Variants in STK39 observed in about 807,000 individuals in gnomAD.
STK39 encodes the protein serine/threonine kinase 39.
STK39 carries 20 observed loss-of-function variants against 77.8 expected under a neutral mutation model. The ratio of observed to expected loss-of-function variants is 0.26; its 90% confidence interval spans 0.18 to 0.37. The LOEUF is 0.37. Among genes scored for constraint, STK39 ranks in the 10% least tolerant of loss-of-function variants. The pLI is 1.00. For missense variants in STK39, 479 were observed against 656.5 expected, an observed-to-expected ratio of 0.73 and a Z score of 2.95; for synonymous variants, 246 against 234.1, an observed-to-expected ratio of 1.05 and a Z score of -0.47.
At chr2:168,198,485 C>A (rs1344784786) in intron 1 of STK39, among the ~76,000 whole-genome samples, 2 of 152,162 alleles carry the variant, frequency 1.3e-5, no homozygotes, top group Non-Finnish European at 2.9e-5. Flanking sequence ...CTGTATTTGG[C>A]AACTCATTAC....
chr2:168,147,415 T>G (rs1240928600), intron 5 of STK39, among the ~76,000 whole-genome samples: 1 of 152,242 alleles, frequency 6.6e-6, no homozygotes, highest in African/African-American at 2.4e-5. Context: ...ACATTGTGAC[T>G]TCAGTTATGC....
chr2:168,018,441 C>CA (rs200922529), intron 14 of STK39, among the ~76,000 whole-genome samples: 5,216 of 150,762 alleles, frequency 0.035, 344 homozygotes, highest in African/African-American at 0.12. Context: ...TGCAGTTAGC[C>CA]AAAATCACAC....
chr2:168,094,107 C>T (rs949557373), intron 10 of STK39, among the ~76,000 whole-genome samples: 1 of 152,140 alleles, frequency 6.6e-6, no homozygotes, highest in Non-Finnish European at 1.5e-5. Context: ...GCATGCTGTG[C>T]GCCATTCCAA....
chr2:168,090,299 AT>A (rs1686484966), intron 10 of STK39, among the ~76,000 whole-genome samples: 1 of 152,062 alleles, frequency 6.6e-6, no homozygotes, highest in Admixed American at 6.5e-5. Flanking sequence ...TGTTGAATGA[AT>A]GAATGAATGA....
At chr2:168,081,147 C>T (rs1399915159) in intron 10 of STK39, among the ~76,000 whole-genome samples, 1 of 152,074 alleles carries the variant, frequency 6.6e-6, no homozygotes, top group Non-Finnish European at 1.5e-5. Context: ...CTGATGTCCT[C>T]CAGACCCCAG....
chr2:168,239,147 T>C (rs548717335), intron 1 of STK39, among the ~76,000 whole-genome samples: 13 of 152,314 alleles, frequency 8.5e-5, no homozygotes, highest in Admixed American at 4.6e-4. Flanking sequence ...TGCTCCTGTG[T>C]TTCACCTGCA....
intron 16 of STK39, among the ~76,000 whole-genome samples, chr2:168,006,197 A>T (rs1235049061): frequency 6.6e-6 from 1 of 152,218 alleles, no homozygotes; most frequent in African/African-American, 2.4e-5. Context: ...CTTCCGGTGT[A>T]TACACACAGT....
chr2:168,188,910 T>C (rs79619682), intron 1 of STK39, among the ~76,000 whole-genome samples: 2,377 of 152,192 alleles, frequency 0.016, 54 homozygotes, highest in African/African-American at 0.054. Context: ...ACCGCTCGCC[T>C]CCACTGAGCC....
Position 168,043,859 on chromosome 2 carries a change from C to A in STK39, c.1376+19641G>T, listed in dbSNP as rs756610020. Among the ~76,000 whole-genome samples, 9 of 152,180 alleles carry A rather than the reference C, an allele frequency of 5.9e-5. 1 individual carries two copies. The South Asian group carries it at 1.9e-3, about 32-fold the overall frequency. On this transcript the variant is annotated intron_variant, in intron 14 of 17. Transcript: ENST00000355999. ...TTTTTTATTTGCACTCAGGAGGCTG[C>A]AGATTATCCAGTATAGAAATTCCCT...
chr2:168,032,213 C>T (rs139874041), intron 14 of STK39, among the ~76,000 whole-genome samples: 158 of 152,316 alleles, frequency 1.0e-3, no homozygotes, highest in African/African-American at 3.5e-3. Flanking sequence ...GTATTTCAAA[C>T]GCTCAAAACA....
intron 5 of STK39, among the ~76,000 whole-genome samples, chr2:168,147,338 C>G (rs576582655): frequency 6.6e-6 from 1 of 152,314 alleles, no homozygotes; most frequent in Admixed American, 6.5e-5. Context: ...TGCCAGCATC[C>G]GGCCTTCCCG....
chr2:168,140,493 T>C, intron 6 of STK39, 103 bp from the exon 7 acceptor site: 1 of 1,223,608 alleles, frequency 8.2e-7, no homozygotes, highest in Non-Finnish European at 1.2e-6. Context: ...TGTATAACTT[T>C]CACGTTAGTT....
intron 17 of STK39, among the ~76,000 whole-genome samples, chr2:167,961,851 T>A (rs1475277597): frequency 6.6e-6 from 1 of 152,162 alleles, no homozygotes; most frequent in African/African-American, 2.4e-5. Context: ...AGACCAGACA[T>A]TAGGTCCTAA....
chr2:167,985,481 C>T (rs1294411734), intron 16 of STK39, among the ~76,000 whole-genome samples: 2 of 152,172 alleles, frequency 1.3e-5, no homozygotes, highest in African/African-American at 4.8e-5. Flanking sequence ...GATATCTGCA[C>T]ATCATCTGAG....
At chr2:168,222,959 C>T (rs1474126611) in intron 1 of STK39, among the ~76,000 whole-genome samples, 1 of 152,194 alleles carries the variant, frequency 6.6e-6, no homozygotes, top group Non-Finnish European at 1.5e-5. Context: ...TCAGTGCTAA[C>T]TGCTATTATC....
chr2:168,108,743 C>A (rs947816742), intron 10 of STK39, among the ~76,000 whole-genome samples: 1 of 152,136 alleles, frequency 6.6e-6, no homozygotes, highest in Non-Finnish European at 1.5e-5. Context: ...GCAATATTCA[C>A]GCATATTTCA....
chr2:168,190,517 A>G (rs888768552), intron 1 of STK39, among the ~76,000 whole-genome samples: 34 of 152,300 alleles, frequency 2.2e-4, no homozygotes, highest in Admixed American at 9.8e-4. Context: ...CCGAATTTCA[A>G]TTTTTAAAAA....
chr2:168,198,529 T>G (rs1689531681), intron 1 of STK39, among the ~76,000 whole-genome samples: 1 of 152,202 alleles, frequency 6.6e-6, no homozygotes, highest in South Asian at 2.1e-4. Context: ...GTCAATGACT[T>G]CCCAAACCAA....
At chr2:168,008,442 T>C (rs1460104631) in intron 16 of STK39, among the ~76,000 whole-genome samples, 3 of 152,140 alleles carry the variant, frequency 2.0e-5, no homozygotes, top group Admixed American at 2.0e-4. Context: ...GAGTCTAAGA[T>C]TCCTGGAGGG....
Sources: gnomAD v4.1 joint callset for allele counts (sites outside exome capture counted in the v4.1 genomes callset) on GRCh38, gnomAD v4.1.1 for gene constraint, MANE v1.5 for transcripts, NCBI Gene and HGNC (gene_info 2026-07-23, HGNC 2026-07-21) for gene names.